KLKB1: variants seen among roughly 807,000 people sequenced by gnomAD.
KLKB1 encodes kallikrein B1.
Under a neutral mutation model 73.6 loss-of-function variants are expected in KLKB1, and 58 were observed. That is an observed-to-expected ratio of 0.79 (90% CI 0.64 to 0.98). The LOEUF (loss-of-function observed/expected upper bound fraction) is 0.98, where lower values mean the gene tolerates loss of function less well. Ranked by LOEUF, KLKB1 falls within the 50% of genes least tolerant of loss-of-function variation. KLKB1 has a pLI of 0.00. For missense variants in KLKB1, 737 were observed against 763.8 expected, an observed-to-expected ratio of 0.96 and a Z score of 0.41; for synonymous variants, 280 against 258.1, an observed-to-expected ratio of 1.08 and a Z score of -0.81.
chr4:186,251,938 T>C (rs1167013144), intron 10 of KLKB1, 77 bp downstream of exon 10: 2 of 1,607,072 alleles, frequency 1.2e-6, no homozygotes, highest in East Asian at 2.2e-5. Context: ...TAAGGAATTA[T>C]GTGTCTTGTT....
intron 2 of KLKB1, among the ~76,000 whole-genome samples, chr4:186,217,349 T>C (rs960025954): frequency 2.0e-5 from 3 of 152,164 alleles, no homozygotes; most frequent in Non-Finnish European, 4.4e-5. Context: ...AAATCTAAAA[T>C]ATAAACTCTT....
At chr4:186,222,019 C>T (rs1201158937), upstream of KLKB1, among the ~76,000 whole-genome samples, 1 of 152,220 alleles carries the variant, frequency 6.6e-6, no homozygotes, top group Non-Finnish European at 1.5e-5. Context: ...TAATGACCTT[C>T]TCTGTCTCTT....
intron 6 of KLKB1, among the ~76,000 whole-genome samples, chr4:186,241,662 A>G (rs1254895703): frequency 1.3e-5 from 2 of 152,218 alleles, no homozygotes; most frequent in Non-Finnish European, 2.9e-5. Context: ...TTTTCAAGCC[A>G]AAAGGAGGAA....
chr4:186,219,676 C>A (rs1212903638), intron 2 of KLKB1, among the ~76,000 whole-genome samples: 1 of 152,106 alleles, frequency 6.6e-6, no homozygotes, highest in Admixed American at 6.5e-5. Context: ...CTTCTACTAC[C>A]CATTCTGTAT....
intron 2 of KLKB1, among the ~76,000 whole-genome samples, chr4:186,228,534 G>A (rs1034901126): frequency 2.0e-5 from 3 of 152,066 alleles, no homozygotes; most frequent in Admixed American, 2.0e-4. Flanking sequence ...ACTCTGCAAA[G>A]CAAAACTTGA....
At chr4:186,231,319 A>T (rs1479463255) in intron 2 of KLKB1, among the ~76,000 whole-genome samples, 2 of 152,248 alleles carry the variant, frequency 1.3e-5, no homozygotes, top group African/African-American at 4.8e-5. Context: ...TTTCAAAGAC[A>T]GTCTTTCCCG....
At chr4:186,234,124 C>A in intron 4 of KLKB1, 66 bp downstream of exon 4, 1 of 1,232,586 alleles carries the variant, frequency 8.1e-7, no homozygotes, top group Non-Finnish European at 1.2e-6. Context: ...AGCTTTTGCT[C>A]AAAGTTTGTA....
chr4:186,256,608 G>A (rs968634647), intron 13 of KLKB1, among the ~76,000 whole-genome samples: 5 of 152,164 alleles, frequency 3.3e-5, no homozygotes, highest in African/African-American at 1.2e-4. Flanking sequence ...GAGACAAGAA[G>A]AAATTTAAAG....
At chr4:186,233,788 G>T (rs1447643604) in intron 3 of KLKB1, among the ~76,000 whole-genome samples, 164 bp from the exon 4 acceptor site, 1 of 152,178 alleles carries the variant, frequency 6.6e-6, no homozygotes, top group Non-Finnish European at 1.5e-5. Flanking sequence ...ATATTATGGG[G>T]TGTTATAAAA....
chr4:186,227,909 C>T (rs1413802588), intron 1 of KLKB1, among the ~76,000 whole-genome samples: 1 of 152,118 alleles, frequency 6.6e-6, no homozygotes, highest in Non-Finnish European at 1.5e-5. Context: ...TGTTTACTCT[C>T]TCTCTACCAA....
At position 186,257,292 on chromosome 4, in the gene KLKB1, G is replaced by T; in HGVS notation, c.1652G>T (p.Arg551Ile). 1.9e-6 allele frequency: 3 copies of T among 1,602,934 alleles called. No homozygotes were observed. The highest frequency in any genetic ancestry group is 1.1e-5 in the South Asian group (1 of 89,594). Residue 551 changes from arginine (R) to isoleucine (I), a missense_variant, in exon 14 of 15, where the codon AGA becomes ATA. By Grantham distance (97) the Arg-to-Ile change is moderately conservative. Transcript: ENST00000264690. Reference protein sequence around the residue: ...PLVTNEECQKRYQDYKITQRM... With the variant: ...PLVTNEECQKIYQDYKITQRM... The stretch of plus-strand genomic sequence containing the variant: ...GTAACAAATGAAGAATGCCAGAAAA[G>T]ATATCAAGATTATAAAATAACCCAA...
chr4:186,232,688 G>T (rs759401266), intron 3 of KLKB1, among the ~76,000 whole-genome samples: 1 of 152,182 alleles, frequency 6.6e-6, no homozygotes, highest in Non-Finnish European at 1.5e-5. Context: ...GGATAGCACA[G>T]TCCAAAGAAA....
At chr4:186,219,998 A>T (rs1187122230) in intron 2 of KLKB1, among the ~76,000 whole-genome samples, 1 of 152,150 alleles carries the variant, frequency 6.6e-6, no homozygotes, top group Non-Finnish European at 1.5e-5. Flanking sequence ...AGGTAAAAGG[A>T]TCTCAAAGTG....
At chr4:186,235,353 A>AACTTCATCACCTTG (rs1737610707) in intron 4 of KLKB1, among the ~76,000 whole-genome samples, 2 of 46,416 alleles carry the variant, frequency 4.3e-5, no homozygotes, top group Non-Finnish European at 4.0e-5. Context: ...AATGTTTTTT[A>AACTTCATCACCTTG]AAGTGAAAAA....
intron 11 of KLKB1, among the ~76,000 whole-genome samples, chr4:186,252,509 T>G (rs554575631): frequency 1.1e-4 from 15 of 133,168 alleles, no homozygotes; most frequent in African/African-American, 3.5e-4. Context: ...CCACCACCAA[T>G]CTCACCACCA....
intron 6 of KLKB1, among the ~76,000 whole-genome samples, chr4:186,243,855 G>A (rs1053244523): frequency 2.0e-5 from 3 of 152,176 alleles, no homozygotes; most frequent in Non-Finnish European, 4.4e-5. Flanking sequence ...CTACAGCATA[G>A]CCTGCCTTTG....
upstream of KLKB1, among the ~76,000 whole-genome samples, chr4:186,223,089 G>T (rs570185799): frequency 6.6e-6 from 1 of 152,136 alleles, no homozygotes; most frequent in African/African-American, 2.4e-5. Context: ...TGTGAAGAAG[G>T]TACCTGCTTC....
chr4:186,228,650 C>T (rs1461907052), intron 2 of KLKB1, among the ~76,000 whole-genome samples: 1 of 152,160 alleles, frequency 6.6e-6, no homozygotes, highest in East Asian at 1.9e-4. Context: ...TGGGTCCAAT[C>T]CAAGTATCTG....
At chr4:186,250,673 C>T (rs766654588) in intron 7 of KLKB1, among the ~76,000 whole-genome samples, 20 of 152,152 alleles carry the variant, frequency 1.3e-4, no homozygotes, top group Non-Finnish European at 2.5e-4. Context: ...AAGGATCTGA[C>T]GCCTTTGAAT....
Sources: allele counts gnomAD v4.1 joint callset (sites outside exome capture counted in the v4.1 genomes callset), GRCh38; gene constraint gnomAD v4.1.1; transcripts MANE v1.5; gene names NCBI Gene and HGNC (gene_info 2026-07-23, HGNC 2026-07-21).